The following TDRD3 variants were observed in gnomAD, a reference collection of about 807,000 sequenced individuals.
The protein encoded by TDRD3 is tudor domain-containing protein 3.
Under a neutral mutation model 86.7 loss-of-function variants are expected in TDRD3, and 45 were observed. That is an observed-to-expected ratio of 0.52 (90% CI 0.41 to 0.67). The LOEUF is 0.67. TDRD3 is among the 30% of genes least tolerant of loss of function. TDRD3 has a pLI of 0.00. For missense variants in TDRD3, 814 were observed against 889.0 expected (o/e 0.92, Z 1.07); for synonymous variants, 298 against 301.7 (o/e 0.99, Z 0.13).
At chr13:60,435,714 A>G (rs1955071822) in intron 1 of TDRD3, among the ~76,000 whole-genome samples, 1 of 152,178 alleles carries the variant, frequency 6.6e-6, no homozygotes, top group Non-Finnish European at 1.5e-5. Context: ...CAACTGGCAA[A>G]TTGTGCTACA....
chr13:60,427,064 A>G (rs1271570087), intron 1 of TDRD3, among the ~76,000 whole-genome samples: 1 of 152,236 alleles, frequency 6.6e-6, no homozygotes, highest in Non-Finnish European at 1.5e-5. Context: ...AGATACAGTA[A>G]AAATACAGTA....
chr13:60,493,010 C>T (rs1162244678), intron 7 of TDRD3, among the ~76,000 whole-genome samples: 1 of 150,578 alleles, frequency 6.6e-6, no homozygotes, highest in Non-Finnish European at 1.5e-5. Flanking sequence ...GCTCCGCCTC[C>T]CAGGTTCATG....
At chr13:60,548,569 G>T (rs1957981704) in intron 12 of TDRD3, among the ~76,000 whole-genome samples, 1 of 151,874 alleles carries the variant, frequency 6.6e-6, no homozygotes, top group Non-Finnish European at 1.5e-5. Context: ...TTTTTATTTT[G>T]TTTTTTTAAG....
chr13:60,566,836 C>G (rs895967928), intron 12 of TDRD3, among the ~76,000 whole-genome samples: 18 of 152,152 alleles, frequency 1.2e-4, no homozygotes, highest in African/African-American at 2.9e-4. Context: ...CCTAATTTCC[C>G]TATGCTACTC....
At chr13:60,562,127 A>G (rs1448937675) in intron 12 of TDRD3, among the ~76,000 whole-genome samples, 2 of 152,084 alleles carry the variant, frequency 1.3e-5, no homozygotes, top group African/African-American at 4.8e-5. Context: ...CCTGGCTAAC[A>G]TGGTGAAACC....
chr13:60,541,654 T>C (rs1957811137), intron 12 of TDRD3, among the ~76,000 whole-genome samples: 3 of 151,174 alleles, frequency 2.0e-5, no homozygotes, highest in African/African-American at 7.3e-5. Context: ...ATATAATAGA[T>C]TGATTTTTCA....
chr13:60,515,098 A>G (rs960493369), intron 10 of TDRD3, among the ~76,000 whole-genome samples: 1 of 152,244 alleles, frequency 6.6e-6, no homozygotes, highest in Non-Finnish European at 1.5e-5. Flanking sequence ...GGATTTCATC[A>G]TTTACTTAAT....
intron 13 of TDRD3, among the ~76,000 whole-genome samples, chr13:60,568,665 C>T (rs1448804720): frequency 6.6e-6 from 1 of 152,132 alleles, no homozygotes; most frequent in Non-Finnish European, 1.5e-5. Flanking sequence ...AGCCTTTCCT[C>T]TATGATCTGG....
chr13:60,486,011 G>T, intron 7 of TDRD3, 63 bp downstream of exon 7: 1 of 1,454,394 alleles, frequency 6.9e-7, no homozygotes, highest in South Asian at 1.5e-5. Context: ...GATTATTTGT[G>T]ATCGTTATTG....
rs1054565350 is a variant in TDRD3 at position 60,526,591 on chromosome 13, A to G, written c.1142-1776A>G. ...TAAAATAAGACATTGTGTTATGTTTATTAGGCAGATATTCTTGGGGGAAAG... is the reference window on the plus strand; with the variant it reads ...TAAAATAAGACATTGTGTTATGTTTGTTAGGCAGATATTCTTGGGGGAAAG... On this transcript the variant is annotated intron_variant, in intron 10 of 13. Transcript: ENST00000377881. Among the ~76,000 whole-genome samples the G allele has an allele frequency of 4.0e-5, 6 of 150,970 alleles. No homozygotes were observed. The South Asian group carries it at 1.1e-3, about 27-fold the overall frequency.
At chr13:60,516,667 T>C (rs996227810) in intron 10 of TDRD3, among the ~76,000 whole-genome samples, 2 of 152,194 alleles carry the variant, frequency 1.3e-5, no homozygotes, top group African/African-American at 4.8e-5. Context: ...ATTGTAGGGC[T>C]ACAAGGTCGT....
chr13:60,506,446 G>A (rs1956939034), intron 8 of TDRD3, among the ~76,000 whole-genome samples: 1 of 152,126 alleles, frequency 6.6e-6, no homozygotes, highest in Admixed American at 6.5e-5. Flanking sequence ...ATACCAAATT[G>A]TAAAGAACAT....
intron 10 of TDRD3, among the ~76,000 whole-genome samples, chr13:60,518,521 A>T (rs1360491579): frequency 2.0e-5 from 3 of 151,646 alleles, no homozygotes; most frequent in African/African-American, 7.3e-5. Flanking sequence ...ATTGTGATTT[A>T]AAAAAAAACT....
chr13:60,513,236 G>A (rs970735973), intron 10 of TDRD3, among the ~76,000 whole-genome samples: 5 of 152,138 alleles, frequency 3.3e-5, no homozygotes, highest in African/African-American at 4.8e-5. Flanking sequence ...CTGGGATGCA[G>A]GGCACCAAGT....
intron 11 of TDRD3, among the ~76,000 whole-genome samples, chr13:60,532,932 C>T (rs1957617876): frequency 6.6e-6 from 1 of 151,882 alleles, no homozygotes; most frequent in South Asian, 2.1e-4. Context: ...GGTTTATATC[C>T]CAATAAACCC....
intron 12 of TDRD3, among the ~76,000 whole-genome samples, chr13:60,563,690 T>G (rs1308580726): frequency 6.6e-6 from 1 of 152,226 alleles, no homozygotes; most frequent in African/African-American, 2.4e-5. Context: ...AAGGACTGGT[T>G]TGTATGCTTA....
chr13:60,459,673 T>C (rs978500029), intron 3 of TDRD3, among the ~76,000 whole-genome samples: 8 of 152,226 alleles, frequency 5.3e-5, no homozygotes, highest in Admixed American at 2.0e-4. Context: ...CAGGCTGCAG[T>C]GCAATGGCTT....
At chr13:60,477,031 T>G (rs9598135) in intron 5 of TDRD3, among the ~76,000 whole-genome samples, 1 of 151,714 alleles carries the variant, frequency 6.6e-6, no homozygotes, top group Non-Finnish European at 1.5e-5. Context: ...TTTATTTGGA[T>G]GTCATATATT....
intron 3 of TDRD3, among the ~76,000 whole-genome samples, chr13:60,453,242 C>T (rs937183779): frequency 8.5e-5 from 13 of 152,120 alleles, no homozygotes; most frequent in African/African-American, 3.1e-4. Context: ...GGGTAACATA[C>T]ATAAAATGGG....
Sources: allele counts gnomAD v4.1 joint callset (sites outside exome capture counted in the v4.1 genomes callset), GRCh38; gene constraint gnomAD v4.1.1; transcripts MANE v1.5; gene names NCBI Gene and HGNC (gene_info 2026-07-23, HGNC 2026-07-21).